DLGAP3: variants seen among roughly 807,000 people sequenced by gnomAD.
DLGAP3 encodes the protein DLG associated protein 3.
DLGAP3 carries 17 observed loss-of-function variants against 81.2 expected under a neutral mutation model. The observed-to-expected ratio is 0.21, with a 90% confidence interval of 0.14 to 0.31. DLGAP3 has a LOEUF of 0.31. DLGAP3 is among the 10% of genes least tolerant of loss of function. The pLI is 1.00. For synonymous variants in DLGAP3, 577 were observed against 587.4 expected (o/e 0.98, Z 0.26); for missense variants, 1,124 against 1,388.0 (o/e 0.81, Z 3.02).
intron 1 of DLGAP3, among the ~76,000 whole-genome samples, chr1:34,909,725 C>T (rs909995765): frequency 3.3e-5 from 5 of 152,116 alleles, no homozygotes; most frequent in Admixed American, 6.5e-5. Flanking sequence ...CCCCACATCA[C>T]CCACCTTCAC....
At chr1:34,921,337 C>T (rs1639792476) in intron 1 of DLGAP3, among the ~76,000 whole-genome samples, 1 of 152,180 alleles carries the variant, frequency 6.6e-6, no homozygotes, top group Non-Finnish European at 1.5e-5. Flanking sequence ...TGGAACATTT[C>T]CTGTCACTGA....
Position 34,867,651 on chromosome 1 carries a change from G to A in DLGAP3, c.2486-24C>T, listed in dbSNP as rs751455541. On this transcript the variant is annotated intron_variant, in intron 9 of 11. Coordinates refer to ENST00000373347, the MANE Select transcript of DLGAP3 (RefSeq NM_001080418.3). The surrounding 1 kb of genome is among the most constrained non-coding windows in gnomAD (Gnocchi z 4.3). ...GACTAGAAAGCAGAAGGAAATTCAG[G>A]GAGGGAAATGATGCATCTCCTTCCC... The A allele has an allele frequency of 1.9e-6, 3 of 1,583,846 alleles. No homozygotes were observed. Among genetic ancestry groups the A allele is most frequent in the Non-Finnish European group, 2.6e-6 (3 of 1,152,878 alleles).
chr1:34,914,710 G>A (rs1639690178), intron 1 of DLGAP3, among the ~76,000 whole-genome samples: 1 of 152,210 alleles, frequency 6.6e-6, no homozygotes, highest in Non-Finnish European at 1.5e-5. Flanking sequence ...CAGTGCTAAG[G>A]GTTAGCTATT....
chr1:34,895,446 GA>G lies in DLGAP3; in HGVS notation c.1386+4222del, dbSNP rs1399035557. ...AAATCAAAGAAGAACTGAATAAATGGAAATACATCCAATATTCAAGGATAAT... is the reference window on the plus strand; with the variant it reads ...AAATCAAAGAAGAACTGAATAAATGGAATACATCCAATATTCAAGGATAAT... On this transcript the variant is annotated intron_variant, in intron 5 of 11. Coordinates refer to ENST00000373347, the MANE Select transcript of DLGAP3 (RefSeq NM_001080418.3). The surrounding 1 kb of genome is among the most constrained non-coding windows in gnomAD (Gnocchi z 4.5). Among the ~76,000 whole-genome samples the G allele has an allele frequency of 6.6e-6, 1 of 151,420 alleles. No homozygotes were observed.
Position 34,904,209 on chromosome 1 carries a change from A to C in DLGAP3, c.1107+68T>G. The C allele has an allele frequency of 1.9e-6, 3 of 1,585,880 alleles. No individual in the cohort carries two copies. The highest frequency in any genetic ancestry group is 2.6e-6 in the Non-Finnish European group (3 of 1,168,506). On this transcript the variant is annotated intron_variant, in intron 3 of 11. Transcript: ENST00000373347. The surrounding 1 kb of genome is among the most constrained non-coding windows in gnomAD (Gnocchi z 8.1). ...AGCTGGCTCCCACCCAACCCTTTCC[A>C]CTGCTCCCTAGTTGACAAGACTGGT...
At chr1:34,877,344 G>T (rs918263681) in intron 8 of DLGAP3, among the ~76,000 whole-genome samples, 1 of 152,176 alleles carries the variant, frequency 6.6e-6, no homozygotes, top group African/African-American at 2.4e-5. Flanking sequence ...CTGGGAAATC[G>T]GAACATGAAG....
At position 34,899,716 on chromosome 1, in the gene DLGAP3, G is replaced by A; in HGVS notation, c.1339C>T (p.Pro447Ser). ...INCCVPPRIH[P>S]RSSIPGYSRS... ...CTGTAGCCAGGGATGGAGCTCCGGG[G>A]GTGGATCCGGGGTGGGACACAGCAG... Residue 447 changes from proline to serine, a missense_variant, in exon 5 of 12, where the codon CCC becomes TCC. Coordinates refer to ENST00000373347, the MANE Select transcript of DLGAP3 (RefSeq NM_001080418.3). The A allele has an allele frequency of 6.2e-7, 1 of 1,614,060 alleles. No individual in the cohort carries two copies. Among genetic ancestry groups the A allele is most frequent in the Non-Finnish European group, 8.5e-7 (1 of 1,180,020 alleles).
intron 6 of DLGAP3, 124 bp downstream of exon 6, chr1:34,885,948 C>A (rs1184548432): frequency 4.2e-6 from 5 of 1,189,124 alleles, no homozygotes; most frequent in Admixed American, 2.4e-5. Context: ...ACGCTCTCCC[C>A]GTCATCCGAC....
In DLGAP3 at chr1:34,878,807, A is replaced by T. The variant is rs537567379; in HGVS notation, c.2000+6171T>A. ...AGAAGCTGGGTGGGCGCAGTGGCTCACGCCTGTAATCCCAGCACTTTGGGA... is the reference window on the plus strand; with the variant it reads ...AGAAGCTGGGTGGGCGCAGTGGCTCTCGCCTGTAATCCCAGCACTTTGGGA... On this transcript the variant is annotated intron_variant, in intron 8 of 11. Coordinates refer to ENST00000373347, the MANE Select transcript of DLGAP3 (RefSeq NM_001080418.3). Among the ~76,000 whole-genome samples, 87 of 152,342 alleles carry T rather than the reference A, an allele frequency of 5.7e-4. 1 individual carries two copies. The South Asian group carries it at 0.017, about 29-fold the overall frequency.
intron 5 of DLGAP3, among the ~76,000 whole-genome samples, chr1:34,893,600 G>A (rs1289312693): frequency 6.6e-6 from 1 of 152,084 alleles, no homozygotes; most frequent in Non-Finnish European, 1.5e-5. Flanking sequence ...ACAAGTGTTA[G>A]GTTTAAAACA....
At chr1:34,890,026 T>G (rs1415302268) in intron 5 of DLGAP3, among the ~76,000 whole-genome samples, 1 of 152,054 alleles carries the variant, frequency 6.6e-6, no homozygotes, top group Non-Finnish European at 1.5e-5. Flanking sequence ...AAACCTTTGA[T>G]GAAAATGTAG....
chr1:34,887,554 A>G (rs1557472264), intron 5 of DLGAP3, among the ~76,000 whole-genome samples: 1 of 152,212 alleles, frequency 6.6e-6, no homozygotes, highest in Non-Finnish European at 1.5e-5. Flanking sequence ...GCAAAGAAAA[A>G]GTAAAGGCAG....
intron 8 of DLGAP3, among the ~76,000 whole-genome samples, chr1:34,871,910 G>A (rs921334026): frequency 1.3e-5 from 2 of 152,114 alleles, no homozygotes; most frequent in Non-Finnish European, 2.9e-5. Context: ...CAAGGAAGTC[G>A]AGGAGCTGAT....
At chr1:34,887,428 T>C (rs1196454719) in intron 5 of DLGAP3, among the ~76,000 whole-genome samples, 1 of 150,512 alleles carries the variant, frequency 6.6e-6, no homozygotes, top group Non-Finnish European at 1.5e-5. Context: ...AAAGTTAAAG[T>C]ATGAAAAAAA....
At chr1:34,889,951 A>C (rs1410300471) in intron 5 of DLGAP3, among the ~76,000 whole-genome samples, 1 of 152,176 alleles carries the variant, frequency 6.6e-6, no homozygotes, top group East Asian at 1.9e-4. Flanking sequence ...GCATAGGAGG[A>C]AGGCTTTGGG....
At chr1:34,923,621 A>C (rs903083848) in intron 1 of DLGAP3, among the ~76,000 whole-genome samples, 1 of 152,066 alleles carries the variant, frequency 6.6e-6, no homozygotes, top group Non-Finnish European at 1.5e-5. Flanking sequence ...GTAAAGTCTT[A>C]TCAAAGCTGT....
chr1:34,872,078 A>C (rs1638989108), intron 8 of DLGAP3, among the ~76,000 whole-genome samples: 2 of 152,216 alleles, frequency 1.3e-5, no homozygotes, highest in South Asian at 4.1e-4. Context: ...CCAAGATCCA[A>C]ACCCCGGGAG....
At position 34,900,049 on chromosome 1, in the gene DLGAP3, C is replaced by G; in HGVS notation, c.1313+19G>C. ...ATCAGCCTCCTGACCCCGCACCCCC[C>G]GGCCCTCCCTGTCCTTACTTGATCC... On this transcript the variant is annotated intron_variant, in intron 4 of 11. Coordinates refer to ENST00000373347, the MANE Select transcript of DLGAP3 (RefSeq NM_001080418.3). The surrounding 1 kb of genome is among the most constrained non-coding windows in gnomAD (Gnocchi z 5.6). 1.2e-6 allele frequency: 2 copies of G among 1,607,804 alleles called. No individual in the cohort carries two copies. Among genetic ancestry groups the G allele is most frequent in the East Asian group, 2.2e-5 (1 of 44,834 alleles).
chr1:34,915,552 C>G (rs777956343), intron 1 of DLGAP3, among the ~76,000 whole-genome samples: 8 of 152,206 alleles, frequency 5.3e-5, no homozygotes, highest in Non-Finnish European at 1.0e-4. Flanking sequence ...AGCACACTGT[C>G]CCGTAAGCTC....
Sources: allele counts gnomAD v4.1 joint callset (sites outside exome capture counted in the v4.1 genomes callset), GRCh38; gene constraint gnomAD v4.1.1; non-coding constraint Gnocchi (gnomAD v3.1); transcripts MANE v1.5; gene names NCBI Gene and HGNC (gene_info 2026-07-23, HGNC 2026-07-21).